The following LUZP2 variants were observed in gnomAD, a reference collection of about 807,000 sequenced individuals.
The protein encoded by LUZP2 is leucine zipper protein 2.
A neutral mutation model predicts 51.6 loss-of-function variants in LUZP2; 52 were observed. The ratio of observed to expected loss-of-function variants is 1.01; its 90% CI spans 0.81 to 1.27. The LOEUF (loss-of-function observed/expected upper bound fraction) is 1.27, where lower values mean the gene tolerates loss of function less well. Among genes scored for constraint, LUZP2 ranks in the 50% most tolerant of loss-of-function variants. The pLI, the probability that LUZP2 is intolerant of heterozygous loss-of-function variation, is 0.00. For missense variants in LUZP2, 436 were observed against 395.4 expected (o/e 1.10, Z -0.87); for synonymous variants, 154 against 137.3 (o/e 1.12, Z -0.85).
At chr11:24,528,789 C>T (rs1850900032) in intron 1 of LUZP2, among the ~76,000 whole-genome samples, 1 of 151,160 alleles carries the variant, frequency 6.6e-6, no homozygotes, top group Non-Finnish European at 1.5e-5. Flanking sequence ...AACTATCTTA[C>T]AAGGCTTTTC....
intron 1 of LUZP2, among the ~76,000 whole-genome samples, chr11:24,707,109 T>C (rs945249710): frequency 1.3e-5 from 2 of 152,168 alleles, no homozygotes; most frequent in Non-Finnish European, 2.9e-5. Flanking sequence ...TACTAAAGTA[T>C]GTACAACAGT....
chr11:25,066,044 A>G (rs1013347007), intron 10 of LUZP2, among the ~76,000 whole-genome samples: 2 of 151,980 alleles, frequency 1.3e-5, no homozygotes, highest in Non-Finnish European at 2.9e-5. Context: ...CTGCTTTTTT[A>G]TACTAACCAT....
intron 6 of LUZP2, among the ~76,000 whole-genome samples, chr11:24,911,879 A>G (rs1853647169): frequency 6.6e-6 from 1 of 152,166 alleles, no homozygotes; most frequent in African/African-American, 2.4e-5. Flanking sequence ...CATAAAAGCC[A>G]TTGGCAACTA....
chr11:24,751,779 A>G (rs1448056268), intron 4 of LUZP2, among the ~76,000 whole-genome samples: 1 of 152,136 alleles, frequency 6.6e-6, no homozygotes, highest in Non-Finnish European at 1.5e-5. Context: ...CTAAAAAGAA[A>G]CACTACACAT....
At chr11:25,046,511 A>G (rs371608432) in intron 9 of LUZP2, among the ~76,000 whole-genome samples, 9 of 152,266 alleles carry the variant, frequency 5.9e-5, no homozygotes, top group East Asian at 1.9e-4. Flanking sequence ...TCCTAAAAAA[A>G]TCATAAATAA....
intron 1 of LUZP2, among the ~76,000 whole-genome samples, chr11:24,522,356 T>G (rs1850668968): frequency 6.6e-6 from 1 of 152,082 alleles, no homozygotes; most frequent in African/African-American, 2.4e-5. Context: ...GTTTTTTTGC[T>G]TTTTTGGGCA....
chr11:24,809,782 G>A (rs1021176320), intron 5 of LUZP2, among the ~76,000 whole-genome samples: 2 of 151,926 alleles, frequency 1.3e-5, no homozygotes, highest in Non-Finnish European at 2.9e-5. Flanking sequence ...GTTACATTGT[G>A]TTACATTATG....
intron 5 of LUZP2, among the ~76,000 whole-genome samples, chr11:24,826,167 C>G (rs1338299522): frequency 3.1e-5 from 2 of 65,204 alleles, no homozygotes; most frequent in African/African-American, 1.3e-4. Context: ...CAGAGCGAGA[C>G]TCCATCTCAA....
intron 5 of LUZP2, among the ~76,000 whole-genome samples, chr11:24,844,301 G>C (rs922825936): frequency 6.6e-6 from 1 of 152,132 alleles, no homozygotes; most frequent in Non-Finnish European, 1.5e-5. Flanking sequence ...AAAGAGACTG[G>C]CAGCATTTTG....
intron 5 of LUZP2, among the ~76,000 whole-genome samples, chr11:24,845,207 C>A (rs577953077): frequency 3.9e-5 from 6 of 152,308 alleles, no homozygotes; most frequent in African/African-American, 1.4e-4. Flanking sequence ...CCATGGGAAC[C>A]CATCCCTTGC....
chr11:24,690,058 G>A (rs1027510779), intron 1 of LUZP2, among the ~76,000 whole-genome samples: 2 of 152,008 alleles, frequency 1.3e-5, no homozygotes, highest in Admixed American at 6.6e-5. Context: ...CCTAATGGGA[G>A]GAATAGATTA....
chr11:25,016,972 G>A lies in LUZP2; in HGVS notation c.766-33066G>A, dbSNP rs146008182. ...CTTTTTAGTAATGGGCATTATGGCT[G>A]TGGTAAGGTGGTATCTCATTGTGGT... On this transcript the variant is annotated intron_variant, in intron 9 of 11. Transcript: ENST00000336930. 9.1e-3 allele frequency among the ~76,000 whole-genome samples: 1,388 copies of A among 152,094 alleles called. 13 individuals carry two copies. Among genetic ancestry groups the A allele is most frequent in the Middle Eastern group, 0.031 (9 of 294 alleles).
chr11:24,931,936 A>G (rs906057241), intron 7 of LUZP2, among the ~76,000 whole-genome samples: 9 of 152,152 alleles, frequency 5.9e-5, no homozygotes, highest in African/African-American at 2.2e-4. Flanking sequence ...AGATGATTTT[A>G]TCCCATGGGG....
chr11:25,065,331 A>T (rs943427832), intron 10 of LUZP2, among the ~76,000 whole-genome samples: 6 of 152,032 alleles, frequency 3.9e-5, no homozygotes, highest in African/African-American at 1.4e-4. Context: ...TGCCTATAAC[A>T]TTAATCCTTA....
chr11:24,758,002 C>A (rs1859837295), intron 4 of LUZP2, among the ~76,000 whole-genome samples: 1 of 152,034 alleles, frequency 6.6e-6, no homozygotes, highest in Non-Finnish European at 1.5e-5. Context: ...CAATTAATTC[C>A]TAATAAATGC....
chr11:24,997,531 A>T (rs886275289), intron 9 of LUZP2, among the ~76,000 whole-genome samples: 1 of 152,174 alleles, frequency 6.6e-6, no homozygotes, highest in African/African-American at 2.4e-5. Context: ...CCTTTGTCAG[A>T]TGAGTAGGTT....
intron 5 of LUZP2, among the ~76,000 whole-genome samples, chr11:24,840,679 A>G (rs1200876701): frequency 6.6e-6 from 1 of 151,980 alleles, no homozygotes; most frequent in Admixed American, 6.6e-5. Flanking sequence ...AAGTGATTCA[A>G]ATGGGTAAAG....
At chr11:24,513,525 G>C (rs1850374584) in intron 1 of LUZP2, among the ~76,000 whole-genome samples, 1 of 152,170 alleles carries the variant, frequency 6.6e-6, no homozygotes, top group Non-Finnish European at 1.5e-5. Flanking sequence ...TTGTGTTGCT[G>C]TTTTGACTGT....
chr11:24,752,148 C>T (rs1311009868), intron 4 of LUZP2, among the ~76,000 whole-genome samples: 4 of 151,870 alleles, frequency 2.6e-5, no homozygotes, highest in Non-Finnish European at 5.9e-5. Context: ...AAAATAAAAG[C>T]ACACATATAA....
Sources: allele counts gnomAD v4.1 joint callset (sites outside exome capture counted in the v4.1 genomes callset), GRCh38; gene constraint gnomAD v4.1.1; transcripts MANE v1.5; gene names NCBI Gene and HGNC (gene_info 2026-07-23, HGNC 2026-07-21).